MYH15: variants seen among roughly 807,000 people sequenced by gnomAD.
MYH15 encodes the protein myosin heavy chain 15.
In MYH15, 227 loss-of-function variants were observed where a neutral mutation model predicts 240.5. The ratio of observed to expected loss-of-function variants is 0.94; its 90% confidence interval spans 0.85 to 1.05. The LOEUF (loss-of-function observed/expected upper bound fraction) is 1.05, where lower values mean the gene tolerates loss of function less well. Ranked by LOEUF, MYH15 falls within the 50% of genes least tolerant of loss-of-function variation. MYH15 has a pLI of 0.00. For missense variants in MYH15, 2,217 were observed against 2,247.5 expected (o/e 0.99, Z 0.27); for synonymous variants, 785 against 796.7 (o/e 0.99, Z 0.25).
chr3:108,495,888 G>A lies in MYH15; in HGVS notation c.619-16C>T. ...CTAACGCCCCCTGAGACACATGCAAGAGAAGTACAGCTGATGAAACTATTA... is the reference window on the plus strand; with the variant it reads ...CTAACGCCCCCTGAGACACATGCAAAAGAAGTACAGCTGATGAAACTATTA... On this transcript the variant is annotated splice_polypyrimidine_tract_variant and intron_variant, in intron 6 of 40. Coordinates refer to ENST00000693548, the MANE Select transcript of MYH15 (RefSeq NM_014981.3). 5 of 1,579,252 alleles carry A rather than the reference G, an allele frequency of 3.2e-6. No homozygotes were observed. Among genetic ancestry groups the A allele is most frequent in the South Asian group, 1.1e-5 (1 of 87,244 alleles).
chr3:108,515,384 G>A (rs563537971), upstream of MYH15, among the ~76,000 whole-genome samples: 14 of 152,202 alleles, frequency 9.2e-5, 1 homozygote, highest in Admixed American at 3.3e-4. Context: ...CAGCAATAAG[G>A]GACCAAAGGA....
chr3:108,497,330 G>A (rs2083399273), intron 6 of MYH15, among the ~76,000 whole-genome samples: 1 of 151,772 alleles, frequency 6.6e-6, no homozygotes, highest in African/African-American at 2.4e-5. Flanking sequence ...ATCCAGTATC[G>A]AATTGAAAAA....
At chr3:108,403,155 G>A (rs2082519950) in intron 33 of MYH15, among the ~76,000 whole-genome samples, 1 of 152,174 alleles carries the variant, frequency 6.6e-6, no homozygotes, top group Admixed American at 6.5e-5. Flanking sequence ...CCAGCTGCTT[G>A]TACTTTTCAC....
chr3:108,417,642 T>C (rs2107552467), intron 28 of MYH15, among the ~76,000 whole-genome samples: 1 of 152,242 alleles, frequency 6.6e-6, no homozygotes, highest in South Asian at 2.1e-4. Flanking sequence ...CCTGCTTAAC[T>C]TATCCTATTA....
At chr3:108,395,675 T>C (rs1358994962) in intron 35 of MYH15, among the ~76,000 whole-genome samples, 1 of 150,882 alleles carries the variant, frequency 6.6e-6, no homozygotes, top group African/African-American at 2.4e-5. Context: ...TAGGAAGTGC[T>C]TTGCAGAAAG....
At chr3:108,499,673 T>C (rs988903731) in intron 4 of MYH15, among the ~76,000 whole-genome samples, 191 bp from the exon 5 acceptor site, 1 of 152,210 alleles carries the variant, frequency 6.6e-6, no homozygotes, top group African/African-American at 2.4e-5. Flanking sequence ...CCCCTATGTA[T>C]GCCAATCATA....
At chr3:108,422,433 G>C (rs528977494) in intron 27 of MYH15, among the ~76,000 whole-genome samples, 5 of 152,082 alleles carry the variant, frequency 3.3e-5, no homozygotes, top group African/African-American at 1.2e-4. Context: ...GGTCAGGCTG[G>C]TCTCGAACTC....
At chr3:108,382,157 T>C (rs1214646343) in intron 40 of MYH15, among the ~76,000 whole-genome samples, 2 of 152,176 alleles carry the variant, frequency 1.3e-5, no homozygotes, top group African/African-American at 4.8e-5. Flanking sequence ...CCTAAACAAG[T>C]CATTACATGG....
chr3:108,506,441 T>C (rs77783872), intron 1 of MYH15, among the ~76,000 whole-genome samples: 611 of 152,250 alleles, frequency 4.0e-3, no homozygotes, highest in African/African-American at 0.014. Context: ...TCAGTTCCTA[T>C]ACCCCATCCC....
At chr3:108,412,197 C>T (rs914217556) in intron 30 of MYH15, among the ~76,000 whole-genome samples, 9 of 152,160 alleles carry the variant, frequency 5.9e-5, no homozygotes, top group African/African-American at 2.2e-4. Context: ...CCATAATCCC[C>T]ACATGTCATG....
intron 33 of MYH15, among the ~76,000 whole-genome samples, chr3:108,399,920 A>G (rs892916448): frequency 6.6e-6 from 1 of 152,240 alleles, no homozygotes; most frequent in African/African-American, 2.4e-5. Flanking sequence ...GTATTTGCAA[A>G]GTGACAGAAG....
At position 108,510,450 on chromosome 3, in the gene MYH15, G is replaced by A. The variant is rs1161523737; in HGVS notation, c.81C>T (p.Ala27=). ...AACCACCACATGTCTCACCATCCAAGGCTGTGGCCTGTAGTAGAAGCAGCT... is the reference window on the plus strand; with the variant it reads ...AACCACCACATGTCTCACCATCCAAAGCTGTGGCCTGTAGTAGAAGCAGCT... ...EAELLLLQAT[A]LDGKKKCWIP... is the part of the protein sequence containing the mutation. The change falls in exon 1 of 41, where the codon GCC becomes GCT. Residue 27 remains alanine, a synonymous_variant. Coordinates refer to ENST00000693548, the MANE Select transcript of MYH15 (RefSeq NM_014981.3). 1.2e-6 allele frequency: 2 copies of A among 1,609,094 alleles called. No individual in the cohort carries two copies. The highest frequency in any genetic ancestry group is 1.7e-6 in the Non-Finnish European group (2 of 1,178,544).
chr3:108,426,745 C>A (rs1174200729), intron 27 of MYH15, among the ~76,000 whole-genome samples: 3 of 152,106 alleles, frequency 2.0e-5, no homozygotes, highest in Non-Finnish European at 2.9e-5. Context: ...ACTTGTAGAG[C>A]CACCAGCATG....
Position 108,434,190 on chromosome 3 carries a change from G to T in MYH15, c.3222-3268C>A, listed in dbSNP as rs1356197420. Reference sequence around the variant, plus strand: ...TAAATATATTATTGAATTGAGAATGGTTTTTTTTTTTTTTTGAGTTTCACT... The same window carrying T: ...TAAATATATTATTGAATTGAGAATGTTTTTTTTTTTTTTTTGAGTTTCACT... On this transcript the variant is annotated intron_variant, in intron 25 of 40. Transcript: ENST00000693548. 8.0e-4 allele frequency among the ~76,000 whole-genome samples: 105 copies of T among 130,984 alleles called. 1 individual carries two copies. Among genetic ancestry groups the T allele is most frequent in the Non-Finnish European group, 1.4e-3 (85 of 62,722 alleles). The allele number at this position is 130,984 out of a possible 152,430, so 85.9% of individuals were successfully genotyped here. A position where few individuals can be genotyped will look rare whatever the true frequency, so the allele number is the denominator to read the frequency against.
chr3:108,410,198 C>T (rs551071309), intron 31 of MYH15, among the ~76,000 whole-genome samples: 1 of 152,036 alleles, frequency 6.6e-6, no homozygotes, highest in Admixed American at 6.5e-5. Context: ...GTAGTATGGG[C>T]TATAGAAATA....
intron 35 of MYH15, 37 bp from the exon 36 acceptor site, chr3:108,394,193 AC>A: frequency 6.2e-7 from 1 of 1,612,128 alleles, no homozygotes; most frequent in Non-Finnish European, 8.5e-7. Flanking sequence ...GCAAGTAAAA[AC>A]CAGCAATGCA....
At chr3:108,484,642 C>A (rs530556115) in intron 11 of MYH15, among the ~76,000 whole-genome samples, 38 of 152,142 alleles carry the variant, frequency 2.5e-4, no homozygotes, top group African/African-American at 5.5e-4. Context: ...CCACGCCTGG[C>A]CAATTTTTTG....
the MYH15 span, among the ~76,000 whole-genome samples, chr3:108,539,957 A>G: frequency 1.3e-5 from 2 of 152,282 alleles, no homozygotes; most frequent in South Asian, 4.1e-4. Context: ...TAAAGCTAGA[A>G]TAATACCAAG....
intron 19 of MYH15, 87 bp downstream of exon 19, chr3:108,456,675 CCAAA>C: frequency 1.1e-5 from 10 of 903,738 alleles, no homozygotes; most frequent in Non-Finnish European, 1.8e-5. Flanking sequence ...AGGACATCAA[CCAAA>C]CAAACAATGC....
Sources: gnomAD v4.1 joint callset for allele counts (sites outside exome capture counted in the v4.1 genomes callset) on GRCh38, gnomAD v4.1.1 for gene constraint, MANE v1.5 for transcripts, NCBI Gene and HGNC (gene_info 2026-07-23, HGNC 2026-07-21) for gene names.